The following TIAM2 variants were observed in gnomAD, a reference collection of about 807,000 sequenced individuals.
The protein encoded by TIAM2 is TIAM Rac1 associated GEF 2, also known as rho guanine nucleotide exchange factor TIAM2.
Under a neutral mutation model 152.9 loss-of-function variants are expected in TIAM2, and 80 were observed. The observed-to-expected ratio is 0.52, with a 90% CI of 0.44 to 0.63. TIAM2 has a LOEUF of 0.63. TIAM2 is among the 30% of genes least tolerant of loss of function. TIAM2 has a pLI of 0.00. For synonymous variants in TIAM2, 804 were observed against 838.0 expected, an observed-to-expected ratio of 0.96 and a Z score of 0.70; for missense variants, 1,965 against 2,120.1, an observed-to-expected ratio of 0.93 and a Z score of 1.44.
At chr6:155,134,397 ACC>A (rs35487009) in intron 4 of TIAM2, among the ~76,000 whole-genome samples, 2,025 of 110,666 alleles carry the variant, frequency 0.018, 50 homozygotes, top group African/African-American at 0.068. Flanking sequence ...GCATCCCCCC[ACC>A]CCCCCCCATT....
At chr6:155,180,273 C>T (rs371658699) in intron 12 of TIAM2, among the ~76,000 whole-genome samples, 16 of 152,190 alleles carry the variant, frequency 1.1e-4, no homozygotes, top group South Asian at 1.0e-3. Context: ...GCGACAAGAG[C>T]GAAACTCCGT....
intron 2 of TIAM2, among the ~76,000 whole-genome samples, chr6:155,098,792 T>C (rs1008090203): frequency 6.6e-6 from 1 of 152,256 alleles, no homozygotes; most frequent in African/African-American, 2.4e-5. Flanking sequence ...TAAATCCACA[T>C]TTTTATGTCA....
chr6:155,150,991 A>C (rs1779944378), intron 7 of TIAM2, among the ~76,000 whole-genome samples: 1 of 152,198 alleles, frequency 6.6e-6, no homozygotes, highest in Non-Finnish European at 1.5e-5. Context: ...CGCTACACAC[A>C]ACTCTTGTTT....
At chr6:155,235,837 G>A (rs1373612016) in intron 15 of TIAM2, among the ~76,000 whole-genome samples, 2 of 152,142 alleles carry the variant, frequency 1.3e-5, no homozygotes, top group Non-Finnish European at 2.9e-5. Flanking sequence ...TTCTAAAATG[G>A]CAAGATACTT....
chr6:155,123,597 C>T (rs1428312177), intron 2 of TIAM2, among the ~76,000 whole-genome samples: 1 of 152,210 alleles, frequency 6.6e-6, no homozygotes, highest in African/African-American at 2.4e-5. Flanking sequence ...TAGGTTCTAA[C>T]CTGCCGCTGG....
chr6:155,015,944 C>CAAAAAAAAAAAAAAAA (rs3081689), intron 1 of TIAM2, among the ~76,000 whole-genome samples: 2 of 61,836 alleles, frequency 3.2e-5, no homozygotes, highest in South Asian at 1.0e-3. Flanking sequence ...TTCAAAAAAC[C>CAAAAAAAAAAAAAAAA]AAAAAAAAAA....
At chr6:155,179,187 A>G in intron 11 of TIAM2, 44 bp downstream of exon 11, 5 of 1,545,666 alleles carry the variant, frequency 3.2e-6, no homozygotes, top group South Asian at 1.2e-5. Context: ...AACCACATCT[A>G]TGGCCCTTTG....
intron 15 of TIAM2, among the ~76,000 whole-genome samples, chr6:155,239,649 C>G (rs1413645615): frequency 6.6e-6 from 1 of 152,206 alleles, no homozygotes; most frequent in Non-Finnish European, 1.5e-5. Flanking sequence ...AGTGGTCCCC[C>G]CAGATGGTCA....
At chr6:155,054,675 G>A (rs1777403372) in intron 1 of TIAM2, among the ~76,000 whole-genome samples, 1 of 152,006 alleles carries the variant, frequency 6.6e-6, no homozygotes, top group Non-Finnish European at 1.5e-5. Context: ...CCCGCCCCCT[G>A]GGTTCAAGTG....
chr6:155,254,504 C>T lies in TIAM2; in HGVS notation c.4399C>T (p.Pro1467Ser). 2 of 1,614,138 alleles carry T rather than the reference C, an allele frequency of 1.2e-6. No homozygotes were observed. Among genetic ancestry groups the T allele is most frequent in the Non-Finnish European group, 1.7e-6 (2 of 1,179,996 alleles). ...NFRRHIKCELPLEKTCKDRLV... is the reference protein window; with the variant it reads ...NFRRHIKCELSLEKTCKDRLV... ...CAGGCGTCACATAAAGTGTGAATTA[C>T]CACTGGAGAAAACGTGTAAGGATCG... The change falls in exon 26 of 27, where the codon CCA becomes TCA. Residue 1467 changes from proline (P) to serine (S), a missense_variant. By Grantham distance (74) the Pro-to-Ser change is moderately conservative. Transcript: ENST00000682666.
intron 19 of TIAM2, among the ~76,000 whole-genome samples, chr6:155,247,229 C>A (rs1783385002): frequency 6.6e-6 from 1 of 152,222 alleles, no homozygotes; most frequent in Non-Finnish European, 1.5e-5. Context: ...AAATAAGCAA[C>A]AACTAGAGTG....
At chr6:155,229,473 GC>G (rs1340679770) in intron 15 of TIAM2, among the ~76,000 whole-genome samples, 31 of 152,298 alleles carry the variant, frequency 2.0e-4, no homozygotes, top group Admixed American at 1.7e-3. Context: ...TGTGACCCCT[GC>G]TTTTATAGGC....
chr6:155,176,571 G>A (rs1780763323), intron 9 of TIAM2, among the ~76,000 whole-genome samples: 1 of 152,198 alleles, frequency 6.6e-6, no homozygotes, highest in African/African-American at 2.4e-5. Context: ...GCGGTCAATT[G>A]ACACAGTGGA....
At chr6:155,088,927 T>G (rs1217348324) in intron 1 of TIAM2, among the ~76,000 whole-genome samples, 1 of 152,164 alleles carries the variant, frequency 6.6e-6, no homozygotes, top group Non-Finnish European at 1.5e-5. Context: ...TGCCCTAAAG[T>G]CTGCATTCTT....
At chr6:155,230,836 C>CTTT (rs11403366) in intron 15 of TIAM2, among the ~76,000 whole-genome samples, 1 of 141,026 alleles carries the variant, frequency 7.1e-6, no homozygotes, top group East Asian at 2.1e-4. Flanking sequence ...GGCAGAGCTA[C>CTTT]TTTTTTTTTT....
chr6:155,054,810 A>G (rs1348239617), intron 1 of TIAM2, among the ~76,000 whole-genome samples: 1 of 152,176 alleles, frequency 6.6e-6, no homozygotes, highest in Non-Finnish European at 1.5e-5. Context: ...TTTGTTGTAA[A>G]GTGTCATTTT....
At chr6:155,106,391 T>C (rs186466452) in intron 2 of TIAM2, among the ~76,000 whole-genome samples, 1 of 152,316 alleles carries the variant, frequency 6.6e-6, no homozygotes, top group African/African-American at 2.4e-5. Context: ...TGTATATAAC[T>C]TTTATTTAAG....
intron 1 of TIAM2, among the ~76,000 whole-genome samples, chr6:155,068,535 C>T (rs1017451874): frequency 6.6e-6 from 1 of 151,936 alleles, no homozygotes; most frequent in African/African-American, 2.4e-5. Flanking sequence ...TCACTGCAAC[C>T]TCTGCCTCCT....
chr6:155,189,362 T>C (rs1023391334), intron 14 of TIAM2, among the ~76,000 whole-genome samples: 10 of 152,012 alleles, frequency 6.6e-5, no homozygotes, highest in Non-Finnish European at 1.3e-4. Flanking sequence ...TTTTTTTTTT[T>C]AAATCAGAAA....
Sources: allele counts gnomAD v4.1 joint callset (sites outside exome capture counted in the v4.1 genomes callset), GRCh38; gene constraint gnomAD v4.1.1; transcripts MANE v1.5; gene names NCBI Gene and HGNC (gene_info 2026-07-23, HGNC 2026-07-21).